The following AGBL4 variants were observed in gnomAD, a reference collection of about 807,000 sequenced individuals.
AGBL4 encodes AGBL carboxypeptidase 4.
In AGBL4, 58 loss-of-function variants were observed where a neutral mutation model predicts 66.4. The observed-to-expected ratio is 0.87, with a 90% CI of 0.71 to 1.09. The LOEUF (loss-of-function observed/expected upper bound fraction) is 1.09. AGBL4 is among the 50% of genes least tolerant of loss of function. The probability of loss-of-function intolerance (pLI) is 0.00; values close to 1 mark genes in which losing one functional copy is unlikely to be tolerated. For missense variants in AGBL4, 579 were observed against 631.0 expected, an observed-to-expected ratio of 0.92 and a Z score of 0.88; for synonymous variants, 234 against 222.9, an observed-to-expected ratio of 1.05 and a Z score of -0.44.
At chr1:49,538,116 A>C (rs550767341) in intron 3 of AGBL4, among the ~76,000 whole-genome samples, 19 of 152,362 alleles carry the variant, frequency 1.2e-4, no homozygotes, top group African/African-American at 4.3e-4. Flanking sequence ...AAAGGAAAAG[A>C]AATCAATAAG....
intron 6 of AGBL4, among the ~76,000 whole-genome samples, chr1:48,866,665 C>A (rs1219081201): frequency 6.6e-6 from 1 of 152,172 alleles, no homozygotes; most frequent in East Asian, 1.9e-4. Flanking sequence ...GAAAAAAGAC[C>A]TTTTAATCCC....
chr1:48,987,503 C>T (rs1173711544), intron 5 of AGBL4, among the ~76,000 whole-genome samples: 1 of 151,860 alleles, frequency 6.6e-6, no homozygotes, highest in African/African-American at 2.4e-5. Flanking sequence ...AATACCAGAG[C>T]TTGAAGATAC....
intron 1 of AGBL4, among the ~76,000 whole-genome samples, chr1:49,952,900 G>T (rs933747637): frequency 5.3e-5 from 8 of 151,862 alleles, no homozygotes; most frequent in African/African-American, 1.2e-4. Context: ...TTCTCCCACT[G>T]CTACTTTTAC....
rs540003195 is a variant in AGBL4 at position 48,869,014 on chromosome 1, C to T, written c.595-1784G>A. ...AGACCTGGTCTCAAATCTCCCTCTC[C>T]TCAGGGTCACCCTCCTTCTTCATTA... is the stretch of plus-strand genomic sequence containing the variant. On this transcript the variant is annotated intron_variant, in intron 5 of 13. Transcript: ENST00000371839. Among the ~76,000 whole-genome samples the T allele has an allele frequency of 1.8e-4, 27 of 152,286 alleles. No homozygotes were observed. The South Asian group carries it at 2.9e-3, about 16-fold the overall frequency.
At chr1:49,510,600 T>A (rs1278664686) in intron 3 of AGBL4, among the ~76,000 whole-genome samples, 2 of 151,392 alleles carry the variant, frequency 1.3e-5, no homozygotes, top group Non-Finnish European at 3.0e-5. Context: ...AGATCCCATT[T>A]GTCAATTTTG....
rs181457350 is a variant in AGBL4, at chr1:48,772,760, A to G, written c.634+94431T>C. Among the ~76,000 whole-genome samples, 139 of 152,346 alleles carry G rather than the reference A, an allele frequency of 9.1e-4. 1 individual carries two copies. Among genetic ancestry groups the G allele is most frequent in the African/African-American group, 3.2e-3 (132 of 41,586 alleles). On this transcript the variant is annotated intron_variant, in intron 6 of 13. Transcript: ENST00000371839. ...GGTAATCAATTAGAAGACTGCTTCA[A>G]TAGTTTAGATAAGAGCTGATGCTGA...
At chr1:48,666,566 C>CTTA (rs1183376924) in intron 6 of AGBL4, among the ~76,000 whole-genome samples, 1 of 152,160 alleles carries the variant, frequency 6.6e-6, no homozygotes, top group Non-Finnish European at 1.5e-5. Context: ...GTCACTATAA[C>CTTA]CCTCTATCAT....
chr1:48,987,375 A>G (rs1660260257), intron 5 of AGBL4, among the ~76,000 whole-genome samples: 1 of 152,074 alleles, frequency 6.6e-6, no homozygotes, highest in East Asian at 1.9e-4. Context: ...CCATATTAAT[A>G]TCAGATTAAG....
intron 5 of AGBL4, among the ~76,000 whole-genome samples, chr1:49,010,703 C>T (rs1164785244): frequency 6.7e-6 from 1 of 148,472 alleles, no homozygotes; most frequent in African/African-American, 2.5e-5. Context: ...TGGAACAGAA[C>T]AGAGCCCTCA....
At chr1:49,100,455 G>T (rs372330996) in intron 4 of AGBL4, among the ~76,000 whole-genome samples, 1 of 152,226 alleles carries the variant, frequency 6.6e-6, no homozygotes, top group Admixed American at 6.5e-5. Context: ...CTTCAAAGGA[G>T]AATCTGGATG....
intron 4 of AGBL4, among the ~76,000 whole-genome samples, chr1:49,237,712 A>G (rs1352507586): frequency 6.6e-6 from 1 of 151,776 alleles, no homozygotes; most frequent in South Asian, 2.1e-4. Flanking sequence ...GAACCATGTC[A>G]ATGTTATAAT....
At chr1:48,985,746 T>C (rs1187751287) in intron 5 of AGBL4, among the ~76,000 whole-genome samples, 2 of 152,036 alleles carry the variant, frequency 1.3e-5, no homozygotes, top group Admixed American at 1.3e-4. Flanking sequence ...ATTCAGTCAT[T>C]TGAGAAATGT....
At chr1:48,889,540 T>C (rs1468909033) in intron 5 of AGBL4, among the ~76,000 whole-genome samples, 1 of 152,242 alleles carries the variant, frequency 6.6e-6, no homozygotes, top group Non-Finnish European at 1.5e-5. Context: ...TATGAGACTG[T>C]GCAAGTCAGG....
At chr1:48,849,698 G>A (rs953241710) in intron 6 of AGBL4, among the ~76,000 whole-genome samples, 1 of 152,112 alleles carries the variant, frequency 6.6e-6, no homozygotes, top group East Asian at 1.9e-4. Flanking sequence ...TGAGACTGGG[G>A]GCGGTGGCTC....
chr1:49,085,008 C>A (rs1017972865), intron 4 of AGBL4, among the ~76,000 whole-genome samples: 35 of 152,056 alleles, frequency 2.3e-4, no homozygotes, highest in African/African-American at 8.0e-4. Context: ...CCAAGGGATG[C>A]TGACAGCTAG....
chr1:49,251,973 C>T (rs186893470), intron 3 of AGBL4, among the ~76,000 whole-genome samples: 7 of 152,252 alleles, frequency 4.6e-5, no homozygotes, highest in Admixed American at 2.0e-4. Flanking sequence ...AGTGCAATAA[C>T]GCTGAAAACT....
intron 2 of AGBL4, among the ~76,000 whole-genome samples, chr1:49,707,152 T>C (rs1647267390): frequency 6.6e-6 from 1 of 152,102 alleles, no homozygotes; most frequent in Non-Finnish European, 1.5e-5. Flanking sequence ...GGTGTTAAAG[T>C]CTCCCACTAT....
chr1:49,431,780 G>GA (rs1235919463), intron 3 of AGBL4, among the ~76,000 whole-genome samples: 2 of 151,792 alleles, frequency 1.3e-5, no homozygotes, highest in African/African-American at 2.4e-5. Context: ...TAATAGTACA[G>GA]AAAAAATGCT....
At chr1:49,506,253 T>TA (rs1648676004) in intron 3 of AGBL4, among the ~76,000 whole-genome samples, 1 of 152,114 alleles carries the variant, frequency 6.6e-6, no homozygotes, top group South Asian at 2.1e-4. Flanking sequence ...AAAAAAATTT[T>TA]ACAAAAATTT....
Sources: allele counts gnomAD v4.1 joint callset (sites outside exome capture counted in the v4.1 genomes callset), GRCh38; gene constraint gnomAD v4.1.1; transcripts MANE v1.5; gene names NCBI Gene and HGNC (gene_info 2026-07-23, HGNC 2026-07-21).